Variants in LRRTM1 observed in about 807,000 individuals in gnomAD.
LRRTM1 encodes leucine rich repeat transmembrane neuronal 1, also known as leucine-rich repeat transmembrane neuronal protein 1.
Under a neutral mutation model 37.3 loss-of-function variants are expected in LRRTM1, and 8 were observed. That is an observed-to-expected ratio of 0.21 (90% confidence interval 0.13 to 0.39). The LOEUF (loss-of-function observed/expected upper bound fraction) is 0.39. Among genes scored for constraint, LRRTM1 ranks in the 10% least tolerant of loss-of-function variants. The pLI, the probability that LRRTM1 is intolerant of heterozygous loss-of-function variation, is 1.00. For missense variants in LRRTM1, 557 were observed against 691.0 expected, an observed-to-expected ratio of 0.81 and a Z score of 2.17; for synonymous variants, 326 against 316.8, an observed-to-expected ratio of 1.03 and a Z score of -0.31.
At chr2:80,301,404 A>G (rs762252779), downstream of LRRTM1, among the ~76,000 whole-genome samples, 12 of 152,244 alleles carry the variant, frequency 7.9e-5, no homozygotes, top group African/African-American at 1.2e-4. Flanking sequence ...TCAAAGACTC[A>G]GGAGAATTAA....
chr2:80,288,827 G>A (rs1285595782), exon 3 of LRRTM1: 1 of 152,184 alleles, frequency 6.6e-6, no homozygotes, highest in African/African-American at 2.4e-5. Flanking sequence ...TTTCATCCCA[G>A]TTCTTTGGGG....
intron 2 of LRRTM1, among the ~76,000 whole-genome samples, chr2:80,290,495 T>A (rs1236452580): frequency 2.0e-5 from 3 of 152,006 alleles, no homozygotes; most frequent in African/African-American, 7.2e-5. Context: ...TGCTTTTACT[T>A]TTTGCTGTTT....
Position 80,303,713 on chromosome 2 carries a change from G to C in LRRTM1, c.107C>G (p.Pro36Arg), listed in dbSNP as rs1676609959. ...GACFQMLPAA[P>R]SGCPQLCRCE... ...CCGGCACAGCTGCGGGCACCCGCTG[G>C]GGGCGGCGGGCAGCATCTGAAAGCA... Residue 36 changes from proline to arginine, a missense_variant, in exon 2 of 2, where the codon CCC becomes CGC. Pro to Arg is a moderately radical substitution (Grantham distance 103). This residue lies in a region of LRRTM1 where 140 missense variants were observed against 138.1 expected (regional missense o/e 1.01). Coordinates refer to ENST00000295057, the MANE Select transcript of LRRTM1 (RefSeq NM_178839.5). The surrounding 1 kb of genome is among the most constrained non-coding windows in gnomAD (Gnocchi z 7.7). 6 of 1,607,644 alleles carry C rather than the reference G, an allele frequency of 3.7e-6. No homozygotes were observed. The Admixed American group carries it at 5.0e-5, about 14-fold the overall frequency.
At chr2:80,291,571 A>G (rs1485734301) in intron 2 of LRRTM1, among the ~76,000 whole-genome samples, 1 of 152,218 alleles carries the variant, frequency 6.6e-6, no homozygotes, top group East Asian at 1.9e-4. Flanking sequence ...TTAAATAAAC[A>G]CCAGCAAATC....
At chr2:80,297,156 C>T (rs1200207680), downstream of LRRTM1, among the ~76,000 whole-genome samples, 2 of 152,320 alleles carry the variant, frequency 1.3e-5, no homozygotes, top group East Asian at 3.9e-4. Flanking sequence ...CTGGATTTCA[C>T]CACTGTGCCC....
chr2:80,295,021 C>G (rs1675616627), intron 2 of LRRTM1, among the ~76,000 whole-genome samples: 1 of 152,108 alleles, frequency 6.6e-6, no homozygotes, highest in Non-Finnish European at 1.5e-5. Flanking sequence ...CTCTTCCTCT[C>G]TTTTTCTTTT....
At chr2:80,304,058 T>C (rs962978899) in intron 1 of LRRTM1, 94 bp downstream of exon 1, 2 of 426,932 alleles carry the variant, frequency 4.7e-6, no homozygotes, top group African/African-American at 4.1e-5. Context: ...ATCAAAGAGA[T>C]GGTGATTTGG....
chr2:80,297,756 G>A (rs1307898019), downstream of LRRTM1, among the ~76,000 whole-genome samples: 1 of 152,062 alleles, frequency 6.6e-6, no homozygotes, highest in Non-Finnish European at 1.5e-5. Flanking sequence ...CTCTGCTGTG[G>A]CATAAGGAGC....
chr2:80,299,854 T>C (rs1323461010), downstream of LRRTM1, among the ~76,000 whole-genome samples: 2 of 152,172 alleles, frequency 1.3e-5, no homozygotes, highest in African/African-American at 4.8e-5. Context: ...CCCACACAGC[T>C]CTTTAATGCA....
intron 2 of LRRTM1, among the ~76,000 whole-genome samples, chr2:80,292,986 A>C (rs1675398529): frequency 6.6e-6 from 1 of 152,208 alleles, no homozygotes; most frequent in Non-Finnish European, 1.5e-5. Context: ...AATGGCCTGG[A>C]CAGCAAAGCA....
chr2:80,298,276 G>A (rs1475050030), downstream of LRRTM1: 5 of 152,116 alleles, frequency 3.3e-5, no homozygotes, highest in Admixed American at 1.3e-4. Flanking sequence ...GTCAATGGCA[G>A]ACCCAAATCA....
chr2:80,302,574 C>A lies in LRRTM1; in HGVS notation c.1246G>T (p.Gly416Cys). 3 of 1,607,776 alleles carry A rather than the reference C, an allele frequency of 1.9e-6. No homozygotes were observed. Among genetic ancestry groups the A allele is most frequent in the Non-Finnish European group, 2.5e-6 (3 of 1,179,254 alleles). ...TGCACGGCGTTCTCGGCGTGCTCGCCGCCTGGAAGAGCCACGGTGGCAGGC... is the reference window on the plus strand; with the variant it reads ...TGCACGGCGTTCTCGGCGTGCTCGCAGCCTGGAAGAGCCACGGTGGCAGGC... ...FEPATVALPG[G>C]EHAENAVQIH... The change falls in exon 2 of 2, where the codon GGC becomes TGC. Residue 416 changes from glycine to cysteine, a missense_variant. Gly to Cys is a radical substitution (Grantham distance 159). Transcript: ENST00000295057. This position sits in a 1 kb window ranked among gnomAD's most constrained non-coding sequence, Gnocchi z 6.4.
At chr2:80,290,779 T>C (rs1370623282) in intron 2 of LRRTM1, among the ~76,000 whole-genome samples, 2 of 152,032 alleles carry the variant, frequency 1.3e-5, no homozygotes, top group Admixed American at 6.6e-5. Context: ...GAATGCCTGG[T>C]GTAGCTCATA....
chr2:80,288,423 G>C (rs964086846), exon 3 of LRRTM1: 1 of 152,162 alleles, frequency 6.6e-6, no homozygotes, highest in Non-Finnish European at 1.5e-5. Context: ...TGTCAGTGAA[G>C]GCATTGAACT....
downstream of LRRTM1, among the ~76,000 whole-genome samples, chr2:80,300,070 G>A (rs892050244): frequency 1.3e-5 from 2 of 152,112 alleles, no homozygotes; most frequent in Non-Finnish European, 2.9e-5. Context: ...CCTGCTCTTG[G>A]AGTGGTATGC....
chr2:80,295,835 T>G (rs1466081823), intron 2 of LRRTM1, among the ~76,000 whole-genome samples: 1 of 152,238 alleles, frequency 6.6e-6, no homozygotes, highest in Non-Finnish European at 1.5e-5. Context: ...GAACCAAATG[T>G]GAATTATATT....
chr2:80,288,772 T>C (rs926277870), exon 3 of LRRTM1: 2 of 152,154 alleles, frequency 1.3e-5, no homozygotes, highest in Non-Finnish European at 2.9e-5. Flanking sequence ...CTGGGCCTGG[T>C]AGAAAATAAA....
downstream of LRRTM1, among the ~76,000 whole-genome samples, chr2:80,301,290 A>G (rs951388111): frequency 6.6e-6 from 1 of 152,182 alleles, no homozygotes; most frequent in African/African-American, 2.4e-5. Flanking sequence ...AAACATCGGG[A>G]TTCTGCCTCC....
rs1676729513 is a variant in LRRTM1 at position 80,304,623 on chromosome 2, C to A, written c.-531G>T. ...TCACTCATGCTTTGCGGGCGGCGGGCGGCGGGCGGCGGGCGGTGGGGAGGT... is the reference window on the plus strand; with the variant it reads ...TCACTCATGCTTTGCGGGCGGCGGGAGGCGGGCGGCGGGCGGTGGGGAGGT... On this transcript the variant is annotated 5_prime_UTR_variant, in exon 1 of 2. Transcript: ENST00000295057. 1.4e-5 allele frequency: 2 copies of A among 147,798 alleles called. No homozygotes were observed. Among genetic ancestry groups the A allele is most frequent in the South Asian group, 4.3e-4 (2 of 4,606 alleles). 9.2% of individuals were successfully genotyped at this position (147,798 alleles called of 1,614,324 possible).
Sources: allele counts gnomAD v4.1 joint callset (sites outside exome capture counted in the v4.1 genomes callset), GRCh38; gene constraint gnomAD v4.1.1; regional missense constraint gnomAD v4.1.1; non-coding constraint Gnocchi (gnomAD v3.1); transcripts MANE v1.5; gene names NCBI Gene and HGNC (gene_info 2026-07-23, HGNC 2026-07-21).